Variants in NCOA3 observed in about 807,000 individuals in gnomAD.
NCOA3 encodes nuclear receptor coactivator 3.
A neutral mutation model predicts 158.8 loss-of-function variants in NCOA3; 51 were observed. The observed-to-expected ratio is 0.32, with a 90% confidence interval of 0.26 to 0.41. The LOEUF (loss-of-function observed/expected upper bound fraction) is 0.41. Among genes scored for constraint, NCOA3 ranks in the 10% least tolerant of loss-of-function variants. NCOA3 has a pLI of 1.00. For synonymous variants in NCOA3, 537 were observed against 592.4 expected, an observed-to-expected ratio of 0.91 and a Z score of 1.36; for missense variants, 1,510 against 1,746.6, an observed-to-expected ratio of 0.86 and a Z score of 2.41.
At position 47,537,104 on chromosome 20, in the gene NCOA3, C is replaced by T. The variant is rs934077362; in HGVS notation, c.-99+35085C>T. 5.3e-5 allele frequency among the ~76,000 whole-genome samples: 8 copies of T among 151,944 alleles called. No homozygotes were observed. The South Asian group carries it at 8.3e-4, about 16-fold the overall frequency. ...GATTACAGGCGTGAGCCACCGCGCCCGGCCTGTTTTGTTTTAAGCAAAGAA... is the reference window on the plus strand; with the variant it reads ...GATTACAGGCGTGAGCCACCGCGCCTGGCCTGTTTTGTTTTAAGCAAAGAA... On this transcript the variant is annotated intron_variant, in intron 1 of 22. Transcript: ENST00000371998.
chr20:47,571,829 C>G (rs978012893), intron 1 of NCOA3, among the ~76,000 whole-genome samples: 10 of 151,690 alleles, frequency 6.6e-5, no homozygotes, highest in Admixed American at 1.3e-4. Flanking sequence ...CAGGCTCAAG[C>G]AATCCCTTCC....
At chr20:47,514,713 CTTTTTTT>C (rs143888226) in intron 1 of NCOA3, among the ~76,000 whole-genome samples, 14 of 105,008 alleles carry the variant, frequency 1.3e-4, no homozygotes, top group South Asian at 3.2e-4. Flanking sequence ...TTGTTTTTTG[CTTTTTTT>C]TTTTTTTTTT....
At chr20:47,622,204 C>T (rs1568732681) in intron 2 of NCOA3, 25 bp from the exon 3 acceptor site, 7 of 1,275,294 alleles carry the variant, frequency 5.5e-6, no homozygotes, top group Non-Finnish European at 7.9e-6. Context: ...ATGTACTTAT[C>T]TTATTTCTCA....
Position 47,648,989 on chromosome 20 carries a change from A to G in NCOA3, c.3547-16A>G, listed in dbSNP as rs918579718. The G allele has an allele frequency of 1.9e-6, 3 of 1,570,372 alleles. No homozygotes were observed. Among genetic ancestry groups the G allele is most frequent in the African/African-American group, 2.7e-5 (2 of 73,876 alleles). ...ACGTGCTCTGCTTGCATTCTAACCA[A>G]CTTGTCTCACCTCAGTTTTTGAATC... On this transcript the variant is annotated splice_polypyrimidine_tract_variant and intron_variant, in intron 18 of 22. Transcript: ENST00000371998.
chr20:47,650,869 G>A (rs2745724), intron 19 of NCOA3, 113 bp from the exon 20 acceptor site: 379,133 of 952,538 alleles, frequency 0.4, 66,665 homozygotes, highest in African/African-American at 0.54. Context: ...TTAAAAAAAA[G>A]AAGGCCCTGG....
At chr20:47,637,157 T>C (rs1465515383) in intron 12 of NCOA3, among the ~76,000 whole-genome samples, 4 of 152,202 alleles carry the variant, frequency 2.6e-5, no homozygotes, top group South Asian at 4.1e-4. Flanking sequence ...CCCAAACTTA[T>C]AGGATATATT....
rs1274055342 is a variant in NCOA3 at position 47,594,347 on chromosome 20, G to A, written c.-20+11086G>A. ...ACTGCTGTTACACCACTCAAGATGCGTGATAACCAGTCAGATTAGAAGATG... is the reference window on the plus strand; with the variant it reads ...ACTGCTGTTACACCACTCAAGATGCATGATAACCAGTCAGATTAGAAGATG... On this transcript the variant is annotated intron_variant, in intron 2 of 22. Coordinates refer to ENST00000371998, the MANE Select transcript of NCOA3 (RefSeq NM_181659.3). Among the ~76,000 whole-genome samples the A allele has an allele frequency of 2.6e-5, 4 of 152,018 alleles. No individual in the cohort carries two copies. The South Asian group carries it at 6.2e-4, about 24-fold the overall frequency.
chr20:47,515,555 C>T (rs1460753915), intron 1 of NCOA3, among the ~76,000 whole-genome samples: 1 of 148,350 alleles, frequency 6.7e-6, no homozygotes, highest in South Asian at 2.1e-4. Context: ...GGCATGATCT[C>T]GGCTCACTGC....
intron 10 of NCOA3, among the ~76,000 whole-genome samples, chr20:47,634,672 A>C (rs1285086446): frequency 1.3e-5 from 2 of 152,332 alleles, no homozygotes; most frequent in East Asian, 3.9e-4. Flanking sequence ...ACTCTAATAA[A>C]GCCCACCTGA....
At chr20:47,634,787 A>C (rs937123033) in intron 10 of NCOA3, among the ~76,000 whole-genome samples, 1 of 152,140 alleles carries the variant, frequency 6.6e-6, no homozygotes, top group African/African-American at 2.4e-5. Flanking sequence ...TAATTGATCA[A>C]TATGTAGATT....
At chr20:47,647,049 G>A (rs771940820) in intron 17 of NCOA3, 24 bp from the exon 18 acceptor site, 3 of 1,595,090 alleles carry the variant, frequency 1.9e-6, no homozygotes. Context: ...GTTCTTCACT[G>A]TTCTTTTATG....
chr20:47,511,891 G>C (rs2084147875), intron 1 of NCOA3, among the ~76,000 whole-genome samples: 1 of 152,100 alleles, frequency 6.6e-6, no homozygotes, highest in Non-Finnish European at 1.5e-5. Flanking sequence ...GGAGGGGGAT[G>C]ATGAGAGATT....
intron 2 of NCOA3, among the ~76,000 whole-genome samples, chr20:47,598,061 C>T (rs529227515): frequency 6.6e-6 from 1 of 150,892 alleles, no homozygotes; most frequent in Non-Finnish European, 1.5e-5. Flanking sequence ...CTGGCTAACG[C>T]AATGAAACCC....
At chr20:47,566,370 C>T (rs997747788) in intron 1 of NCOA3, among the ~76,000 whole-genome samples, 3 of 143,478 alleles carry the variant, frequency 2.1e-5, no homozygotes, top group Non-Finnish European at 4.8e-5. Flanking sequence ...TAATGAAATC[C>T]ACCATTATAT....
intron 2 of NCOA3, among the ~76,000 whole-genome samples, chr20:47,589,568 GT>G (rs1350390664): frequency 6.6e-6 from 1 of 151,694 alleles, no homozygotes; most frequent in Non-Finnish European, 1.5e-5. Context: ...TAGTGACGGG[GT>G]TTTGCCATGT....
At chr20:47,644,976 G>C (rs2086665811) in intron 17 of NCOA3, among the ~76,000 whole-genome samples, 1 of 151,878 alleles carries the variant, frequency 6.6e-6, no homozygotes, top group Non-Finnish European at 1.5e-5. Flanking sequence ...GATTACAGGT[G>C]TGAGCCACCG....
intron 1 of NCOA3, among the ~76,000 whole-genome samples, chr20:47,527,453 G>C (rs2084474991): frequency 6.6e-6 from 1 of 151,860 alleles, no homozygotes; most frequent in South Asian, 2.1e-4. Context: ...CATTCATGTT[G>C]TTGCATATAT....
At chr20:47,603,138 A>G (rs1311645013) in intron 2 of NCOA3, among the ~76,000 whole-genome samples, 1 of 152,264 alleles carries the variant, frequency 6.6e-6, no homozygotes, top group African/African-American at 2.4e-5. Context: ...CATAAGAACA[A>G]TTCAAGACCA....
rs72645254 is a variant in NCOA3 at position 47,629,722 on chromosome 20, T to C, written c.823+1699T>C. Reference sequence around the variant, plus strand: ...ATTGTTATATATTATTTTATCCTTTTAGAGTGAGTCTTTCTCTGCACCTCT... The same window carrying C: ...ATTGTTATATATTATTTTATCCTTTCAGAGTGAGTCTTTCTCTGCACCTCT... On this transcript the variant is annotated intron_variant, in intron 8 of 22. Transcript: ENST00000371998. Among the ~76,000 whole-genome samples, 1,025 of 152,352 alleles carry C rather than the reference T, an allele frequency of 6.7e-3. 7 individuals carry two copies. The highest frequency in any genetic ancestry group is 0.014 in the Middle Eastern group (4 of 294).
Sources: allele counts gnomAD v4.1 joint callset (sites outside exome capture counted in the v4.1 genomes callset), GRCh38; gene constraint gnomAD v4.1.1; transcripts MANE v1.5; gene names NCBI Gene and HGNC (gene_info 2026-07-23, HGNC 2026-07-21).